Variants in RALYL observed in about 807,000 individuals in gnomAD.
RALYL encodes RALY RNA binding protein like, also known as RNA-binding Raly-like protein.
In RALYL, 29 loss-of-function variants were observed where a neutral mutation model predicts 35.1. The ratio of observed to expected loss-of-function variants is 0.83; its 90% CI spans 0.61 to 1.13. The LOEUF (loss-of-function observed/expected upper bound fraction) is 1.13. RALYL is among the 50% of genes most tolerant of loss of function. RALYL has a pLI of 0.00. For synonymous variants in RALYL, 120 were observed against 127.6 expected, an observed-to-expected ratio of 0.94 and a Z score of 0.40; for missense variants, 359 against 360.4, an observed-to-expected ratio of 1.00 and a Z score of 0.03.
chr8:84,894,199 T>C (rs1844353245), intron 8 of RALYL, among the ~76,000 whole-genome samples: 1 of 152,206 alleles, frequency 6.6e-6, no homozygotes, highest in South Asian at 2.1e-4. Context: ...TTGAGACTTT[T>C]TGTTTCTTTC....
chr8:84,864,810 G>C (rs1172888723), intron 6 of RALYL: 5 of 612,896 alleles, frequency 8.2e-6, no homozygotes, highest in South Asian at 1.5e-5. Flanking sequence ...CAGAGCTTCT[G>C]TGTAGTAGTC....
At chr8:84,559,926 A>T (rs1018637160) in intron 2 of RALYL, among the ~76,000 whole-genome samples, 1 of 151,730 alleles carries the variant, frequency 6.6e-6, no homozygotes, top group East Asian at 1.9e-4. Flanking sequence ...GAGGCATAGT[A>T]CAAGAGAGCT....
At position 84,427,981 on chromosome 8, in the gene RALYL, A is replaced by G. The variant is rs114111058; in HGVS notation, c.-23-101318A>G. On this transcript the variant is annotated intron_variant, in intron 1 of 8. Coordinates refer to ENST00000521268, the MANE Select transcript of RALYL (RefSeq NM_173848.7). ...GCAATGAATCTATCTTCAAATCTGT[A>G]TGTCTCAGATTCCTTACCTGTAAAA... 4.1e-3 allele frequency among the ~76,000 whole-genome samples: 617 copies of G among 152,166 alleles called. 6 individuals carry two copies. Among genetic ancestry groups the G allele is most frequent in the African/African-American group, 0.014 (582 of 41,508 alleles).
intron 1 of RALYL, chr8:84,185,011 C>A: frequency 6.2e-7 from 1 of 1,613,966 alleles, no homozygotes. Flanking sequence ...GAGTAAACGA[C>A]GCAGTAGGTC....
At chr8:84,765,480 C>G (rs1813699496) in intron 2 of RALYL, among the ~76,000 whole-genome samples, 1 of 152,100 alleles carries the variant, frequency 6.6e-6, no homozygotes, top group Admixed American at 6.6e-5. Flanking sequence ...ACTGAACTAA[C>G]AGTACAAATA....
intron 1 of RALYL, among the ~76,000 whole-genome samples, chr8:84,231,603 A>C (rs1329509009): frequency 1.3e-5 from 2 of 152,154 alleles, no homozygotes; most frequent in African/African-American, 4.8e-5. Context: ...TAAAGATTTT[A>C]CTTTTTCTGT....
intron 2 of RALYL, among the ~76,000 whole-genome samples, chr8:84,741,393 TA>T (rs1305488046): frequency 6.6e-6 from 1 of 152,024 alleles, no homozygotes; most frequent in Non-Finnish European, 1.5e-5. Context: ...GGTTACTTTA[TA>T]AATAATGCAA....
chr8:84,646,551 CA>C (rs796078885), intron 2 of RALYL, among the ~76,000 whole-genome samples: 3 of 152,058 alleles, frequency 2.0e-5, no homozygotes, highest in African/African-American at 7.2e-5. Context: ...AGTGATTTTT[CA>C]AAATAGTTGT....
chr8:84,518,329 C>T (rs929396205), intron 1 of RALYL, among the ~76,000 whole-genome samples: 1 of 152,048 alleles, frequency 6.6e-6, no homozygotes, highest in African/African-American at 2.4e-5. Context: ...ATTCTGCTTT[C>T]TATAGCTAAG....
chr8:84,821,967 A>G (rs1414711482), intron 4 of RALYL, among the ~76,000 whole-genome samples: 1 of 152,208 alleles, frequency 6.6e-6, no homozygotes, highest in Non-Finnish European at 1.5e-5. Context: ...AAAATATACC[A>G]TTAGAAGCTG....
chr8:84,639,269 G>A (rs1005927620), intron 2 of RALYL, among the ~76,000 whole-genome samples: 3 of 151,784 alleles, frequency 2.0e-5, no homozygotes, highest in Non-Finnish European at 4.4e-5. Context: ...TTAGAACATA[G>A]AGAAAAAGAA....
At chr8:84,636,811 A>C (rs1358144479) in intron 2 of RALYL, among the ~76,000 whole-genome samples, 1 of 151,928 alleles carries the variant, frequency 6.6e-6, no homozygotes, top group Non-Finnish European at 1.5e-5. Context: ...GTGAGGAGGG[A>C]AACCATATAC....
At chr8:84,760,833 A>G (rs1275127978) in intron 2 of RALYL, among the ~76,000 whole-genome samples, 2 of 152,068 alleles carry the variant, frequency 1.3e-5, no homozygotes, top group East Asian at 1.9e-4. Context: ...AAATATCTCA[A>G]TTTGAAGGAA....
intron 1 of RALYL, among the ~76,000 whole-genome samples, chr8:84,370,854 C>T (rs1034790968): frequency 6.6e-6 from 1 of 151,802 alleles, no homozygotes; most frequent in African/African-American, 2.4e-5. Context: ...ATATAGCTGC[C>T]TTAGATTGTC....
In RALYL at chr8:84,860,548, A is replaced by C. The variant is rs1360993721; in HGVS notation, c.414-1748A>C. Among the ~76,000 whole-genome samples the C allele has an allele frequency of 2.6e-5, 4 of 152,210 alleles. No homozygotes were observed. The East Asian group carries it at 5.8e-4, about 22-fold the overall frequency. ...TGTGATTGAAATGAGGGGCAGGTCT[A>C]GCTGACCCTTTTGATTCTCAAGCCC... On this transcript the variant is annotated intron_variant, in intron 5 of 8. Coordinates refer to ENST00000521268, the MANE Select transcript of RALYL (RefSeq NM_173848.7).
At chr8:84,305,639 A>G (rs1301634080) in intron 1 of RALYL, among the ~76,000 whole-genome samples, 1 of 152,178 alleles carries the variant, frequency 6.6e-6, no homozygotes, top group Non-Finnish European at 1.5e-5. Flanking sequence ...ATCACTTTTC[A>G]TATAGTTTAT....
At chr8:84,432,864 G>A (rs1303898894) in intron 1 of RALYL, among the ~76,000 whole-genome samples, 1 of 152,050 alleles carries the variant, frequency 6.6e-6, no homozygotes, top group Non-Finnish European at 1.5e-5. Flanking sequence ...CAGGGAGCAT[G>A]GCCCTACTGA....
At chr8:84,552,163 C>T (rs1208385693) in intron 2 of RALYL, among the ~76,000 whole-genome samples, 1 of 146,086 alleles carries the variant, frequency 6.8e-6, no homozygotes, top group African/African-American at 2.5e-5. Context: ...TGAAAAAGAA[C>T]AGTGAGAGGA....
chr8:84,190,970 G>T (rs1179061195), intron 1 of RALYL, among the ~76,000 whole-genome samples: 1 of 152,092 alleles, frequency 6.6e-6, no homozygotes, highest in Non-Finnish European at 1.5e-5. Flanking sequence ...TGGGGTGTGT[G>T]TGTGTGTATG....
Sources: allele counts gnomAD v4.1 joint callset (sites outside exome capture counted in the v4.1 genomes callset), GRCh38; gene constraint gnomAD v4.1.1; transcripts MANE v1.5; gene names NCBI Gene and HGNC (gene_info 2026-07-23, HGNC 2026-07-21).